Variants in RIGI observed in about 807,000 individuals in gnomAD.
RIGI encodes the protein RNA sensor RIG-I.
At chr9:32,469,682 A>G in the RIGI span, among the ~76,000 whole-genome samples, 1 of 152,230 alleles carries the variant, frequency 6.6e-6, no homozygotes, top group Non-Finnish European at 1.5e-5. Context: ...ACTGCCTTCT[A>G]ATATCCTGCG....
the RIGI span, among the ~76,000 whole-genome samples, chr9:32,523,002 T>A: frequency 6.6e-6 from 1 of 152,130 alleles, no homozygotes; most frequent in Non-Finnish European, 1.5e-5. Context: ...GACCATCACA[T>A]CCAGACAATG....
chr9:32,473,643 T>C, the RIGI span, among the ~76,000 whole-genome samples: 1 of 152,152 alleles, frequency 6.6e-6, no homozygotes, highest in Non-Finnish European at 1.5e-5. Context: ...GTATGTAGAA[T>C]AAGTGAGTTT....
chr9:32,519,260 T>C, the RIGI span, among the ~76,000 whole-genome samples: 4 of 152,170 alleles, frequency 2.6e-5, no homozygotes, highest in African/African-American at 9.6e-5. Context: ...AAACCATTGA[T>C]GGCTTTTAGT....
chr9:32,484,585 ACACT>A, the RIGI span, among the ~76,000 whole-genome samples: 2 of 152,260 alleles, frequency 1.3e-5, no homozygotes, highest in East Asian at 3.9e-4. Flanking sequence ...TTCAATCATA[ACACT>A]CACAGTTGGA....
chr9:32,509,314 T>A, the RIGI span, among the ~76,000 whole-genome samples: 1 of 152,136 alleles, frequency 6.6e-6, no homozygotes, highest in Non-Finnish European at 1.5e-5. Context: ...GGGAGACACC[T>A]CCTACCAGGG....
At chr9:32,478,816 T>C in the RIGI span, among the ~76,000 whole-genome samples, 3 of 152,262 alleles carry the variant, frequency 2.0e-5, no homozygotes, top group Non-Finnish European at 2.9e-5. Flanking sequence ...CACCTCAGCC[T>C]CCCAAAGTGC....
At chr9:32,473,422 G>A in the RIGI span, among the ~76,000 whole-genome samples, 1 of 151,882 alleles carries the variant, frequency 6.6e-6, no homozygotes, top group African/African-American at 2.4e-5. Context: ...GAGTAGCTGG[G>A]ATTACAGGCA....
At chr9:32,485,387 A>G in the RIGI span, 2 of 771,638 alleles carry the variant, frequency 2.6e-6, no homozygotes, top group Middle Eastern at 2.4e-4. Flanking sequence ...TCTGCCTTTG[A>G]TACTTCCTCT....
the RIGI span, among the ~76,000 whole-genome samples, chr9:32,466,690 C>CAAAAAAAAAAAAAAA: frequency 1.5e-5 from 1 of 68,604 alleles, no homozygotes; most frequent in African/African-American, 6.2e-5. Context: ...AGACCTATCT[C>CAAAAAAAAAAAAAAA]AAAAAAAAAA....
chr9:32,503,607 G>C, the RIGI span, among the ~76,000 whole-genome samples: 2 of 152,120 alleles, frequency 1.3e-5, no homozygotes, highest in African/African-American at 4.8e-5. Flanking sequence ...CTGTGACTTG[G>C]AACATTTGTC....
chr9:32,460,669 A>T, the RIGI span, among the ~76,000 whole-genome samples: 1 of 152,198 alleles, frequency 6.6e-6, no homozygotes. Flanking sequence ...AAAAAGTTCA[A>T]TGGATGGGCT....
At chr9:32,466,209 T>C in the RIGI span, 4 of 1,423,284 alleles carry the variant, frequency 2.8e-6, no homozygotes, top group South Asian at 2.4e-5. Flanking sequence ...CTAAGCAATA[T>C]GATAAAAGAT....
the RIGI span, chr9:32,467,762 C>T: frequency 1.3e-6 from 2 of 1,572,960 alleles, no homozygotes; most frequent in Non-Finnish European, 1.7e-6. Flanking sequence ...CTTCTCTTAC[C>T]TCTGGTTTGG....
At chr9:32,521,244 A>T in the RIGI span, among the ~76,000 whole-genome samples, 1 of 151,982 alleles carries the variant, frequency 6.6e-6, no homozygotes. Flanking sequence ...TAACATTAAA[A>T]ATATACCATA....
the RIGI span, among the ~76,000 whole-genome samples, chr9:32,506,686 G>C: frequency 4.6e-5 from 7 of 152,092 alleles, no homozygotes; most frequent in South Asian, 1.4e-3. Flanking sequence ...AAAATGCGTG[G>C]CCTCCGTTTT....
the RIGI span, among the ~76,000 whole-genome samples, chr9:32,474,148 G>A: frequency 7.1e-6 from 1 of 140,392 alleles, no homozygotes; most frequent in South Asian, 2.3e-4. Context: ...GCTGCAGTGA[G>A]CTGTGATCAC....
the RIGI span, among the ~76,000 whole-genome samples, chr9:32,505,338 G>A: frequency 6.6e-6 from 1 of 151,994 alleles, no homozygotes; most frequent in East Asian, 1.9e-4. Flanking sequence ...GACCTCAAGG[G>A]TATCTTTCAC....
At chr9:32,519,137 A>G in the RIGI span, among the ~76,000 whole-genome samples, 1 of 152,226 alleles carries the variant, frequency 6.6e-6, no homozygotes. Flanking sequence ...ATAGCCTCCA[A>G]GTTAAACTGA....
chr9:32,508,422 T>C, the RIGI span, among the ~76,000 whole-genome samples: 4 of 151,606 alleles, frequency 2.6e-5, no homozygotes, highest in Admixed American at 1.3e-4. Context: ...TGGGACTGGA[T>C]AGACAGTGGG....
Sources: allele counts gnomAD v4.1 joint callset (sites outside exome capture counted in the v4.1 genomes callset), GRCh38; gene constraint gnomAD v4.1.1; transcripts MANE v1.5; gene names NCBI Gene and HGNC (gene_info 2026-07-23, HGNC 2026-07-21).